Variants in PDE4D observed in about 807,000 individuals in gnomAD.
PDE4D encodes the protein phosphodiesterase 4D.
Under a neutral mutation model 87.4 loss-of-function variants are expected in PDE4D, and 24 were observed. The observed-to-expected ratio is 0.27, with a 90% CI of 0.20 to 0.39. The LOEUF (loss-of-function observed/expected upper bound fraction) is 0.39, where lower values mean the gene tolerates loss of function less well. PDE4D is among the 10% of genes least tolerant of loss of function. PDE4D has a pLI of 1.00. For missense variants in PDE4D, 714 were observed against 1,041.0 expected (o/e 0.69, Z 4.32); for synonymous variants, 384 against 383.2 (o/e 1.00, Z -0.02).
chr5:59,878,233 C>T (rs1748898742), intron 1 of PDE4D, among the ~76,000 whole-genome samples: 1 of 152,186 alleles, frequency 6.6e-6, no homozygotes, highest in South Asian at 2.1e-4. Context: ...TGCAATATAT[C>T]TACCTATGCT....
chr5:59,234,548 C>T (rs969200722), intron 1 of PDE4D, among the ~76,000 whole-genome samples: 1 of 152,052 alleles, frequency 6.6e-6, no homozygotes, highest in Non-Finnish European at 1.5e-5. Context: ...TGATTGCTGG[C>T]CTGTAAAATA....
At chr5:60,205,731 CA>C (rs34124472) in intron 1 of PDE4D, among the ~76,000 whole-genome samples, 111,832 of 146,322 alleles carry the variant, frequency 0.76, 43,096 homozygotes, top group African/African-American at 0.89. Flanking sequence ...ACTAAAAGTA[CA>C]AAAAAAAAAA....
At chr5:59,360,325 A>G (rs918376739) in intron 1 of PDE4D, among the ~76,000 whole-genome samples, 1 of 152,174 alleles carries the variant, frequency 6.6e-6, no homozygotes, top group Non-Finnish European at 1.5e-5. Flanking sequence ...GTTGAAAGAC[A>G]TTGCTTCAGG....
chr5:60,443,476 A>G (rs1745401031), intron 1 of PDE4D, among the ~76,000 whole-genome samples: 1 of 152,174 alleles, frequency 6.6e-6, no homozygotes, highest in African/African-American at 2.4e-5. Flanking sequence ...GAGAAAGCAC[A>G]CTTAAATGAG....
intron 3 of PDE4D, among the ~76,000 whole-genome samples, chr5:59,964,910 T>TA (rs1295587344): frequency 1.3e-5 from 2 of 152,188 alleles, no homozygotes; most frequent in Admixed American, 1.3e-4. Flanking sequence ...AATTTACAGT[T>TA]AGATTATGTT....
chr5:59,532,260 G>A (rs987826626), intron 1 of PDE4D, among the ~76,000 whole-genome samples: 1 of 152,010 alleles, frequency 6.6e-6, no homozygotes, highest in African/African-American at 2.4e-5. Flanking sequence ...TCAGCCTCCT[G>A]AGTAGCTGGG....
At chr5:59,384,979 G>A (rs1022123307) in intron 1 of PDE4D, among the ~76,000 whole-genome samples, 1 of 151,638 alleles carries the variant, frequency 6.6e-6, no homozygotes, top group East Asian at 1.9e-4. Context: ...TTGCTTTACG[G>A]CTCAACTTCT....
intron 6 of PDE4D, among the ~76,000 whole-genome samples, chr5:58,995,932 T>C (rs1236351319): frequency 6.6e-6 from 1 of 152,176 alleles, no homozygotes; most frequent in Non-Finnish European, 1.5e-5. Flanking sequence ...ATGTGGCACA[T>C]ATATACCATG....
intron 2 of PDE4D, among the ~76,000 whole-genome samples, chr5:60,024,116 A>C (rs183314595): frequency 3.3e-5 from 5 of 152,342 alleles, no homozygotes; most frequent in Admixed American, 3.3e-4. Context: ...TTCCTTAAAA[A>C]ATAAATAGTA....
At chr5:59,761,766 T>C (rs1435080894) in intron 1 of PDE4D, among the ~76,000 whole-genome samples, 1 of 152,122 alleles carries the variant, frequency 6.6e-6, no homozygotes, top group African/African-American at 2.4e-5. Context: ...CTGAGGCTGT[T>C]TTATAGTTAA....
intron 1 of PDE4D, among the ~76,000 whole-genome samples, chr5:60,477,708 T>G (rs1359179987): frequency 2.6e-5 from 4 of 152,198 alleles, no homozygotes; most frequent in African/African-American, 9.6e-5. Context: ...ACAAAGAGAC[T>G]TGAAAAGTGC....
chr5:59,262,707 A>G (rs1332003464), intron 1 of PDE4D, among the ~76,000 whole-genome samples: 1 of 151,888 alleles, frequency 6.6e-6, no homozygotes, highest in African/African-American at 2.4e-5. Flanking sequence ...ATGAGGTTAG[A>G]GTGAGCCTGA....
intron 1 of PDE4D, among the ~76,000 whole-genome samples, chr5:59,577,380 G>C (rs1348344089): frequency 6.6e-6 from 1 of 152,116 alleles, no homozygotes; most frequent in Admixed American, 6.6e-5. Flanking sequence ...AAAAGCATCA[G>C]AGCTCAGTCC....
chr5:60,250,738 TA>T (rs1748334152), intron 1 of PDE4D, among the ~76,000 whole-genome samples: 1 of 152,034 alleles, frequency 6.6e-6, no homozygotes, highest in African/African-American at 2.4e-5. Context: ...TAATGGTTAC[TA>T]ATTTATGTGT....
At chr5:59,950,151 A>T (rs986774087) in intron 3 of PDE4D, among the ~76,000 whole-genome samples, 2 of 152,124 alleles carry the variant, frequency 1.3e-5, no homozygotes, top group Non-Finnish European at 2.9e-5. Flanking sequence ...CATTTAAAAG[A>T]TTATAGTTTT....
chr5:59,115,962 A>C (rs2153442226), intron 5 of PDE4D, among the ~76,000 whole-genome samples: 1 of 152,296 alleles, frequency 6.6e-6, no homozygotes, highest in East Asian at 1.9e-4. Flanking sequence ...ATCCCCAACA[A>C]TGTAAATCTC....
rs79799414 is a variant in PDE4D at position 59,203,624 on chromosome 5, T to TACAC, written c.648-10092_648-10089dup. Among the ~76,000 whole-genome samples, 328 of 151,122 alleles carry TACAC rather than the reference T, an allele frequency of 2.2e-3. 1 individual carries two copies. The highest frequency in any genetic ancestry group is 6.7e-3 in the African/African-American group (275 of 41,298). ...ACAGATGAATAAAGAAAATGTTATA[T>TACAC]ACACACACACACACACACACTAGAA... On this transcript the variant is annotated intron_variant, in intron 2 of 14. Transcript: ENST00000340635.
chr5:60,133,147 T>C (rs901640652), intron 2 of PDE4D, among the ~76,000 whole-genome samples: 1 of 152,260 alleles, frequency 6.6e-6, no homozygotes, highest in African/African-American at 2.4e-5. Flanking sequence ...CCTAACTTCT[T>C]TGAGTTCTCA....
chr5:60,310,544 G>A (rs1345187733), intron 1 of PDE4D, among the ~76,000 whole-genome samples: 2 of 152,172 alleles, frequency 1.3e-5, no homozygotes, highest in Non-Finnish European at 1.5e-5. Flanking sequence ...TTCCTTCCAG[G>A]AACACAGGTA....
Sources: gnomAD v4.1 joint callset for allele counts (sites outside exome capture counted in the v4.1 genomes callset) on GRCh38, gnomAD v4.1.1 for gene constraint, MANE v1.5 for transcripts, NCBI Gene and HGNC (gene_info 2026-07-23, HGNC 2026-07-21) for gene names.